The following SNTG2 variants were observed in gnomAD, a reference collection of about 807,000 sequenced individuals.
SNTG2 encodes gamma-2-syntrophin.
In SNTG2, 74 loss-of-function variants were observed where a neutral mutation model predicts 70.9. The observed-to-expected ratio is 1.04, with a 90% CI of 0.86 to 1.27. The LOEUF is 1.27. Among genes scored for constraint, SNTG2 ranks in the 50% most tolerant of loss-of-function variants. The probability of loss-of-function intolerance (pLI) is 0.00; values close to 1 mark genes in which losing one functional copy is unlikely to be tolerated. For missense variants in SNTG2, 717 were observed against 690.7 expected (o/e 1.04, Z -0.43); for synonymous variants, 278 against 273.8 (o/e 1.02, Z -0.15).
chr2:1,170,514 G>A (rs1394183487), intron 7 of SNTG2, among the ~76,000 whole-genome samples: 1 of 152,160 alleles, frequency 6.6e-6, no homozygotes, highest in Admixed American at 6.5e-5. Context: ...AAACCCCGTG[G>A]CATCCGACCT....
chr2:1,192,719 C>T (rs528988034), intron 8 of SNTG2, among the ~76,000 whole-genome samples: 24 of 152,188 alleles, frequency 1.6e-4, no homozygotes, highest in African/African-American at 4.3e-4. Context: ...GGTGACTTCT[C>T]GGACTCATCT....
At chr2:1,114,032 GT>G (rs1446385424) in intron 4 of SNTG2, among the ~76,000 whole-genome samples, 4 of 150,184 alleles carry the variant, frequency 2.7e-5, no homozygotes, top group Non-Finnish European at 4.4e-5. Context: ...GAGGAGGATC[GT>G]GTGTACTAAG....
chr2:1,103,340 A>C (rs929721954), intron 4 of SNTG2: 1 of 262,038 alleles, frequency 3.8e-6, no homozygotes, highest in Non-Finnish European at 7.9e-6. Flanking sequence ...TAATTCTTTC[A>C]ATTCATTAAC....
In SNTG2 at chr2:1,194,042, C is replaced by A. The variant is rs114365789; in HGVS notation, c.592-15061C>A. Among the ~76,000 whole-genome samples, 463 of 152,352 alleles carry A rather than the reference C, an allele frequency of 3.0e-3. 3 individuals carry two copies. The highest frequency in any genetic ancestry group is 0.011 in the African/African-American group (445 of 41,592). On this transcript the variant is annotated intron_variant, in intron 8 of 16. Transcript: ENST00000308624. ...TGGGCAGATGAGGTATGCACTGGAC[C>A]AGGTGTGCACAGGGCAGGAATCCTG...
intron 7 of SNTG2, among the ~76,000 whole-genome samples, chr2:1,172,002 G>A (rs147476728): frequency 3.7e-4 from 56 of 152,204 alleles, no homozygotes; most frequent in African/African-American, 1.2e-3. Flanking sequence ...GGAAATAGAC[G>A]GCACAACAGG....
intron 11 of SNTG2, among the ~76,000 whole-genome samples, chr2:1,243,214 A>G (rs1442311863): frequency 6.6e-6 from 1 of 152,196 alleles, no homozygotes; most frequent in African/African-American, 2.4e-5. Context: ...TCCTTAATAC[A>G]TAACTCTCCT....
rs1345229584 is a variant in SNTG2 at position 1,031,508 on chromosome 2, T to TTTTATATA, written c.73-52009_73-52008insTTATATAT. The stretch of plus-strand genomic sequence containing the variant: ...GGCTATTTGTATATATAGTTCATTG[T>TTTTATATA]TATATATATATATATATATATTTTT... On this transcript the variant is annotated intron_variant, in intron 1 of 16. Transcript: ENST00000308624. Among the ~76,000 whole-genome samples the TTTTATATA allele has an allele frequency of 3.5e-4, 20 of 57,746 alleles. 2 individuals carry two copies. The highest frequency in any genetic ancestry group is 2.3e-3 in the East Asian group (5 of 2,144). The allele number at this position is 57,746 out of a possible 152,430, so 37.9% of individuals were successfully genotyped here.
At chr2:1,243,908 C>A (rs1677217350) in intron 11 of SNTG2, among the ~76,000 whole-genome samples, 1 of 152,226 alleles carries the variant, frequency 6.6e-6, no homozygotes. Context: ...CGCCTGTAAT[C>A]CCAGCTACCT....
At chr2:1,056,221 G>A (rs1403764061) in intron 1 of SNTG2, among the ~76,000 whole-genome samples, 2 of 146,402 alleles carry the variant, frequency 1.4e-5, no homozygotes, top group African/African-American at 5.1e-5. Flanking sequence ...GAGAGGGAGA[G>A]TGCATGGGGG....
intron 4 of SNTG2, among the ~76,000 whole-genome samples, chr2:1,134,838 T>C (rs1350550462): frequency 6.6e-6 from 1 of 152,076 alleles, no homozygotes; most frequent in African/African-American, 2.4e-5. Context: ...GGCTCAGGCA[T>C]GGCGGGCTGC....
chr2:1,301,914 G>A (rs897302222), intron 14 of SNTG2, among the ~76,000 whole-genome samples: 4 of 151,992 alleles, frequency 2.6e-5, no homozygotes, highest in African/African-American at 4.8e-5. Context: ...CATGGTGAGC[G>A]AGAGTGCAGG....
intron 14 of SNTG2, among the ~76,000 whole-genome samples, chr2:1,295,887 C>T (rs1680187666): frequency 6.6e-6 from 1 of 151,336 alleles, no homozygotes. Context: ...CAATGGCTTT[C>T]ACTGTAGAAG....
At chr2:964,249 T>C (rs753250621) in intron 1 of SNTG2, among the ~76,000 whole-genome samples, 5 of 152,194 alleles carry the variant, frequency 3.3e-5, no homozygotes, top group Non-Finnish European at 7.3e-5. Flanking sequence ...AGTCTTCTTA[T>C]AGTTGTGTGG....
intron 1 of SNTG2, among the ~76,000 whole-genome samples, chr2:974,722 C>G (rs1660854314): frequency 6.6e-6 from 1 of 152,166 alleles, no homozygotes; most frequent in Non-Finnish European, 1.5e-5. Context: ...ATCGTGAAGT[C>G]TTTCAATCCT....
intron 1 of SNTG2, among the ~76,000 whole-genome samples, chr2:1,048,771 A>G (rs552904907): frequency 1.1e-4 from 17 of 152,210 alleles, no homozygotes; most frequent in Admixed American, 2.0e-4. Flanking sequence ...TGGTTGCACC[A>G]TCATAAACCC....
In SNTG2 at chr2:1,040,870, C is replaced by T. The variant is rs548003658; in HGVS notation, c.73-42648C>T. 9.2e-5 allele frequency among the ~76,000 whole-genome samples: 14 copies of T among 152,272 alleles called. No individual in the cohort carries two copies. The East Asian group carries it at 2.1e-3, about 23-fold the overall frequency. On this transcript the variant is annotated intron_variant, in intron 1 of 16. Transcript: ENST00000308624. Reference sequence around the variant, plus strand: ...AAAAATATGCCTGTGTGATGGAGCCCGGCTGTGCCATCAGAGCAGCTGTTT... The same window carrying T: ...AAAAATATGCCTGTGTGATGGAGCCTGGCTGTGCCATCAGAGCAGCTGTTT...
chr2:968,476 A>G (rs1465758821), intron 1 of SNTG2, among the ~76,000 whole-genome samples: 1 of 151,840 alleles, frequency 6.6e-6, no homozygotes, highest in East Asian at 1.9e-4. Flanking sequence ...TTTGAAGTTC[A>G]TTGATTTTTG....
intron 9 of SNTG2, among the ~76,000 whole-genome samples, chr2:1,211,985 C>T (rs1044792837): frequency 6.6e-6 from 1 of 152,102 alleles, no homozygotes; most frequent in African/African-American, 2.4e-5. Flanking sequence ...TACATGACAT[C>T]CAGGAGAATG....
At chr2:979,977 C>A (rs1351502163) in intron 1 of SNTG2, among the ~76,000 whole-genome samples, 4 of 151,964 alleles carry the variant, frequency 2.6e-5, no homozygotes, top group Non-Finnish European at 4.4e-5. Context: ...AAAACAAACA[C>A]AAAAAGTAAG....
Sources: allele counts gnomAD v4.1 joint callset (sites outside exome capture counted in the v4.1 genomes callset), GRCh38; gene constraint gnomAD v4.1.1; transcripts MANE v1.5; gene names NCBI Gene and HGNC (gene_info 2026-07-23, HGNC 2026-07-21).